ADAMTS19: variants seen among roughly 807,000 people sequenced by gnomAD.
The protein encoded by ADAMTS19 is A disintegrin and metalloproteinase with thrombospondin motifs 19.
Under a neutral mutation model 153.3 loss-of-function variants are expected in ADAMTS19, and 93 were observed. The ratio of observed to expected loss-of-function variants is 0.61; its 90% confidence interval spans 0.51 to 0.72. The LOEUF (loss-of-function observed/expected upper bound fraction) is 0.72. Among genes scored for constraint, ADAMTS19 ranks in the 30% least tolerant of loss-of-function variants. The probability of loss-of-function intolerance (pLI) is 0.00; values close to 1 mark genes in which losing one functional copy is unlikely to be tolerated. For synonymous variants in ADAMTS19, 600 were observed against 556.6 expected, an observed-to-expected ratio of 1.08 and a Z score of -1.10; for missense variants, 1,482 against 1,552.1, an observed-to-expected ratio of 0.95 and a Z score of 0.76.
intron 8 of ADAMTS19, among the ~76,000 whole-genome samples, chr5:129,615,646 G>C (rs1751486023): frequency 6.6e-6 from 1 of 151,942 alleles, no homozygotes; most frequent in African/African-American, 2.4e-5. Flanking sequence ...ATAAGAACTA[G>C]CACCATTAAA....
intron 21 of ADAMTS19, among the ~76,000 whole-genome samples, chr5:129,710,872 T>C (rs1341876094): frequency 2.6e-5 from 4 of 152,230 alleles, no homozygotes; most frequent in East Asian, 3.8e-4. Flanking sequence ...TGATGTCTAA[T>C]GTTTTTTGCT....
chr5:129,607,264 G>A (rs967453484), intron 8 of ADAMTS19, among the ~76,000 whole-genome samples: 2 of 152,108 alleles, frequency 1.3e-5, no homozygotes, highest in African/African-American at 4.8e-5. Flanking sequence ...AATATCATTT[G>A]TCACTTAGAA....
intron 7 of ADAMTS19, among the ~76,000 whole-genome samples, chr5:129,590,090 TAAC>T (rs1750031268): frequency 2.6e-5 from 4 of 152,160 alleles, no homozygotes; most frequent in Admixed American, 1.3e-4. Context: ...TGATGGTAGT[TAAC>T]AACAGCATTT....
Position 129,645,793 on chromosome 5 carries a change from A to AT in ADAMTS19, c.1873-1963dup, listed in dbSNP as rs201046399. On this transcript the variant is annotated intron_variant, in intron 11 of 22. Transcript: ENST00000274487. The stretch of plus-strand genomic sequence containing the variant: ...TGAAGTTTGACAACTTTCACATTGA[A>AT]TTTTTTTTTCCATGAATGGCATAAC... Among the ~76,000 whole-genome samples the AT allele has an allele frequency of 5.3e-5, 8 of 151,270 alleles. No homozygotes were observed. In the East Asian group the frequency reaches 5.8e-4, roughly 11 times the overall value.
At chr5:129,687,264 G>C (rs1392017382) in intron 18 of ADAMTS19, among the ~76,000 whole-genome samples, 1 of 152,136 alleles carries the variant, frequency 6.6e-6, no homozygotes, top group Non-Finnish European at 1.5e-5. Context: ...TGGACAGACA[G>C]GCTGATGGTT....
At chr5:129,552,682 G>A (rs949937074) in intron 7 of ADAMTS19, among the ~76,000 whole-genome samples, 1 of 151,772 alleles carries the variant, frequency 6.6e-6, no homozygotes, top group Non-Finnish European at 1.5e-5. Flanking sequence ...CCATTTTGTT[G>A]TGTCATTTGT....
At chr5:129,558,308 ATAG>A (rs910379686) in intron 7 of ADAMTS19, among the ~76,000 whole-genome samples, 16 of 152,118 alleles carry the variant, frequency 1.1e-4, no homozygotes, top group Admixed American at 4.6e-4. Context: ...ATTATGAGAA[ATAG>A]TAGGAGAGTT....
chr5:129,546,479 G>A (rs1262731205), intron 6 of ADAMTS19, among the ~76,000 whole-genome samples: 1 of 150,716 alleles, frequency 6.6e-6, no homozygotes, highest in East Asian at 1.9e-4. Context: ...GACGGAAAGA[G>A]TGTTAAAAAA....
intron 2 of ADAMTS19, among the ~76,000 whole-genome samples, chr5:129,484,551 A>C (rs17163349): frequency 0.11 from 17,282 of 152,166 alleles, 1,106 homozygotes; most frequent in Middle Eastern, 0.18. Flanking sequence ...AATTCAAATC[A>C]TATTTTTAAG....
Position 129,528,603 on chromosome 5 carries a change from T to A in ADAMTS19, c.1254T>A (p.Asn418Lys). Residue 418 changes from asparagine to lysine, a missense_variant, in exon 6 of 23, where the codon AAT (asparagine) becomes AAA (lysine). Coordinates refer to ENST00000274487, the MANE Select transcript of ADAMTS19 (RefSeq NM_133638.6). ...AACATGAAGAATTTGGCAAAAAGAA[T>A]GATATACATTTAGAGATGTCAACAA... The part of the protein sequence containing the change: ...KWQHEEFGKK[N>K]DIHLEMSTNW... 1 of 1,608,876 alleles carries A rather than the reference T, an allele frequency of 6.2e-7. No individual in the cohort carries two copies. Among genetic ancestry groups the A allele is most frequent in the Non-Finnish European group, 8.5e-7 (1 of 1,177,802 alleles).
intron 2 of ADAMTS19, among the ~76,000 whole-genome samples, chr5:129,489,644 G>C (rs945686451): frequency 2.6e-5 from 4 of 152,106 alleles, no homozygotes; most frequent in Non-Finnish European, 4.4e-5. Context: ...GGGGGAAAAA[G>C]ACTTAGACAT....
chr5:129,536,031 G>A (rs1459247639), intron 6 of ADAMTS19, among the ~76,000 whole-genome samples: 1 of 152,140 alleles, frequency 6.6e-6, no homozygotes, highest in Non-Finnish European at 1.5e-5. Flanking sequence ...AACACCAAAA[G>A]CAATGGCAAC....
At chr5:129,464,653 C>A (rs374634346) in intron 2 of ADAMTS19, among the ~76,000 whole-genome samples, 14 of 152,324 alleles carry the variant, frequency 9.2e-5, no homozygotes, top group Admixed American at 7.2e-4. Flanking sequence ...ACTACTCTAA[C>A]TTGTGTTATC....
At chr5:129,526,763 T>G (rs1752025024) in intron 4 of ADAMTS19, among the ~76,000 whole-genome samples, 1 of 151,808 alleles carries the variant, frequency 6.6e-6, no homozygotes, top group Non-Finnish European at 1.5e-5. Flanking sequence ...CCCCATTTTA[T>G]GTATGTATTT....
At chr5:129,693,359 G>C (rs920753306) in intron 18 of ADAMTS19, among the ~76,000 whole-genome samples, 3 of 152,038 alleles carry the variant, frequency 2.0e-5, no homozygotes, top group Non-Finnish European at 4.4e-5. Flanking sequence ...TGACCTCCCT[G>C]CCACCAGCCC....
intron 17 of ADAMTS19, among the ~76,000 whole-genome samples, chr5:129,680,724 T>A (rs550929036): frequency 1.0e-4 from 15 of 146,722 alleles, no homozygotes; most frequent in Non-Finnish European, 1.3e-4. Context: ...ATCAAGCCAC[T>A]GCACTCCAGC....
intron 3 of ADAMTS19, among the ~76,000 whole-genome samples, chr5:129,522,330 C>T (rs865989926): frequency 0.037 from 2,630 of 70,238 alleles, 45 homozygotes; most frequent in African/African-American, 0.1. Flanking sequence ...CACACACACA[C>T]ACATATATAT....
intron 2 of ADAMTS19, among the ~76,000 whole-genome samples, chr5:129,488,293 CA>C (rs1435409973): frequency 6.6e-6 from 1 of 151,980 alleles, no homozygotes; most frequent in Non-Finnish European, 1.5e-5. Flanking sequence ...ATTTCACGAA[CA>C]AAAAGCTGTT....
intron 2 of ADAMTS19, among the ~76,000 whole-genome samples, chr5:129,465,319 T>G (rs1749817897): frequency 6.6e-6 from 1 of 151,840 alleles, no homozygotes; most frequent in East Asian, 1.9e-4. Flanking sequence ...TTTTTTTTTT[T>G]TTTTCTAAAA....
Sources: allele counts gnomAD v4.1 joint callset (sites outside exome capture counted in the v4.1 genomes callset), GRCh38; gene constraint gnomAD v4.1.1; transcripts MANE v1.5; gene names NCBI Gene and HGNC (gene_info 2026-07-23, HGNC 2026-07-21).